Variants in WLS observed in about 807,000 individuals in gnomAD.
WLS encodes the protein protein wntless homolog.
A neutral mutation model predicts 62.8 loss-of-function variants in WLS; 23 were observed. That is an observed-to-expected ratio of 0.37 (90% CI 0.26 to 0.52). WLS has a LOEUF of 0.52. Ranked by LOEUF, WLS falls within the 20% of genes least tolerant of loss-of-function variation. The pLI, the probability that WLS is intolerant of heterozygous loss-of-function variation, is 0.92. For synonymous variants in WLS, 246 were observed against 244.1 expected, an observed-to-expected ratio of 1.01 and a Z score of -0.07; for missense variants, 615 against 697.3, an observed-to-expected ratio of 0.88 and a Z score of 1.33.
intron 2 of WLS, among the ~76,000 whole-genome samples, chr1:68,163,634 GAAAA>G (rs5774918): frequency 1.7e-5 from 2 of 116,306 alleles, no homozygotes; most frequent in Non-Finnish European, 1.7e-5. Flanking sequence ...TCTTAATGAG[GAAAA>G]AAAAAAAAAA....
At chr1:68,112,261 A>G (rs2100331475) in intron 11 of WLS, among the ~76,000 whole-genome samples, 1 of 152,300 alleles carries the variant, frequency 6.6e-6, no homozygotes, top group Middle Eastern at 3.4e-3. Flanking sequence ...TATGCAGTGC[A>G]CTAGCTGTAC....
intron 1 of WLS, chr1:68,201,862 T>C (rs1409616672): frequency 6.6e-6 from 1 of 152,208 alleles, no homozygotes; most frequent in East Asian, 1.9e-4. Context: ...AATATAAACT[T>C]ATGAAATTAT....
chr1:68,189,399 C>G (rs1470685710), intron 2 of WLS, among the ~76,000 whole-genome samples: 1 of 152,134 alleles, frequency 6.6e-6, no homozygotes, highest in Non-Finnish European at 1.5e-5. Context: ...AAATTGTGAA[C>G]AGTATATTTT....
intron 2 of WLS, among the ~76,000 whole-genome samples, chr1:68,159,806 T>G (rs1646948021): frequency 6.6e-6 from 1 of 152,174 alleles, no homozygotes; most frequent in Non-Finnish European, 1.5e-5. Context: ...TTGCTACTTT[T>G]CCAAAAGTCA....
intron 11 of WLS, among the ~76,000 whole-genome samples, chr1:68,112,465 T>G (rs533699242): frequency 6.6e-6 from 1 of 152,334 alleles, no homozygotes; most frequent in South Asian, 2.1e-4. Context: ...TTCAATGCTG[T>G]GTACACTCCG....
chr1:68,168,041 C>T (rs903873804), intron 2 of WLS, among the ~76,000 whole-genome samples: 3 of 152,070 alleles, frequency 2.0e-5, no homozygotes, highest in African/African-American at 4.8e-5. Flanking sequence ...CAAAGCCAAT[C>T]AGTTTTTCTG....
At chr1:68,189,112 C>G (rs535676329) in intron 2 of WLS, among the ~76,000 whole-genome samples, 19 of 152,240 alleles carry the variant, frequency 1.2e-4, no homozygotes, top group African/African-American at 4.6e-4. Context: ...AAGAATCACC[C>G]CTCTGTCCAG....
intron 2 of WLS, among the ~76,000 whole-genome samples, chr1:68,178,715 A>G (rs1010749822): frequency 4.0e-5 from 6 of 151,800 alleles, no homozygotes; most frequent in South Asian, 2.1e-4. Context: ...CAAAAAAAAA[A>G]AAAAGAAAAG....
At chr1:68,147,351 C>T (rs1646766310) in intron 8 of WLS, among the ~76,000 whole-genome samples, 1 of 152,120 alleles carries the variant, frequency 6.6e-6, no homozygotes, top group African/African-American at 2.4e-5. Flanking sequence ...GGAAATGATA[C>T]TACTGATTTA....
intron 4 of WLS, among the ~76,000 whole-genome samples, chr1:68,154,256 G>A (rs1373989022): frequency 6.6e-6 from 1 of 151,886 alleles, no homozygotes; most frequent in Non-Finnish European, 1.5e-5. Flanking sequence ...TTACTAATCT[G>A]GTCTACTAAG....
intron 1 of WLS, among the ~76,000 whole-genome samples, chr1:68,223,732 C>A (rs1000850834): frequency 6.6e-6 from 1 of 152,154 alleles, no homozygotes; most frequent in African/African-American, 2.4e-5. Flanking sequence ...TGTTTCACAT[C>A]GCAGTTGAGA....
intron 1 of WLS, among the ~76,000 whole-genome samples, chr1:68,228,654 AATGTATTTAG>A (rs1289307267): frequency 6.6e-6 from 1 of 151,836 alleles, no homozygotes; most frequent in Admixed American, 6.6e-5. Flanking sequence ...AAATATTTAG[AATGTATTTAG>A]ATGTATTTAG....
At chr1:68,156,426 AGGAAGGGGCTC>A (rs1646900444) in intron 3 of WLS, among the ~76,000 whole-genome samples, 1 of 152,136 alleles carries the variant, frequency 6.6e-6, no homozygotes, top group South Asian at 2.1e-4. Flanking sequence ...GGAAGGGGCT[AGGAAGGGGCTC>A]TGCCCCTTCT....
intron 2 of WLS, among the ~76,000 whole-genome samples, chr1:68,161,308 C>T (rs1156623093): frequency 6.6e-6 from 1 of 152,106 alleles, no homozygotes; most frequent in Admixed American, 6.5e-5. Context: ...ATGTAATTTT[C>T]CTATTAGCAA....
chr1:68,180,930 T>C (rs1647531882), intron 2 of WLS, among the ~76,000 whole-genome samples: 1 of 152,194 alleles, frequency 6.6e-6, no homozygotes, highest in Admixed American at 6.5e-5. Context: ...CTAACACCAT[T>C]ACTAATGACT....
chr1:68,159,092 A>C (rs904906592), intron 3 of WLS, 31 bp downstream of exon 3: 1 of 1,610,770 alleles, frequency 6.2e-7, no homozygotes, highest in African/African-American at 1.3e-5. Flanking sequence ...ACCAAATAAA[A>C]ACTGTCAGCT....
At chr1:68,127,244 A>C (rs1646446662) in intron 11 of WLS, 1 of 221,680 alleles carries the variant, frequency 4.5e-6, no homozygotes, top group South Asian at 4.7e-5. Flanking sequence ...GTGAAAGCAA[A>C]TAAGACCTGC....
rs574605673 is a variant in WLS, at chr1:68,212,924, G to A, written c.107-18697C>T. On this transcript the variant is annotated intron_variant, in intron 1 of 11. Transcript: ENST00000262348. ...ACAGATGAACAGATTATCATCTCTC[G>A]TGCCTCTTTGTATTCTTCAGAATTT... Among the ~76,000 whole-genome samples, 5 of 152,158 alleles carry A rather than the reference G, an allele frequency of 3.3e-5. No individual in the cohort carries two copies. The East Asian group carries it at 9.7e-4, about 29-fold the overall frequency.
chr1:68,162,477 G>A lies in WLS; in HGVS notation c.380-3230C>T, dbSNP rs146409099. 325 of 1,613,872 alleles carry A rather than the reference G, an allele frequency of 2.0e-4. 2 individuals carry two copies. In the African/African-American group the frequency reaches 2.4e-3, roughly 12 times the overall value. On this transcript the variant is annotated intron_variant, in intron 2 of 11. Transcript: ENST00000262348. ...GCAAGTAGGGGTCATAAAATATGAC[G>A]CTGAATCCAAAGGCCTTGGCTCGAA...
Sources: gnomAD v4.1 joint callset for allele counts (sites outside exome capture counted in the v4.1 genomes callset) on GRCh38, gnomAD v4.1.1 for gene constraint, MANE v1.5 for transcripts, NCBI Gene and HGNC (gene_info 2026-07-23, HGNC 2026-07-21) for gene names.